Variants in RGS21 observed in about 807,000 individuals in gnomAD.
The protein encoded by RGS21 is regulator of G protein signaling 21.
A neutral mutation model predicts 18.7 loss-of-function variants in RGS21; 19 were observed. That is an observed-to-expected ratio of 1.01 (90% CI 0.71 to 1.49). RGS21 has a LOEUF of 1.49. Ranked by LOEUF, RGS21 falls within the 40% of genes most tolerant of loss-of-function variation. The pLI is 0.00. For missense variants in RGS21, 194 were observed against 176.8 expected, an observed-to-expected ratio of 1.10 and a Z score of -0.55; for synonymous variants, 56 against 57.8, an observed-to-expected ratio of 0.97 and a Z score of 0.14.
chr1:192,364,292 A>G (rs1345124620), intron 4 of RGS21, among the ~76,000 whole-genome samples: 1 of 152,148 alleles, frequency 6.6e-6, no homozygotes, highest in African/African-American at 2.4e-5. Flanking sequence ...TCAAAGGAAG[A>G]AAAGTGGAAG....
intron 3 of RGS21, among the ~76,000 whole-genome samples, chr1:192,351,237 A>G (rs1432818749): frequency 1.3e-5 from 2 of 152,136 alleles, no homozygotes; most frequent in Non-Finnish European, 2.9e-5. Context: ...TATTTGCCTT[A>G]TGGAATTAAA....
chr1:192,347,223 C>A, intron 2 of RGS21, 90 bp from the exon 3 acceptor site: 2 of 784,420 alleles, frequency 2.5e-6, no homozygotes. Flanking sequence ...GCATGAAGTT[C>A]ATTTGAATGA....
At chr1:192,330,598 C>T (rs549033575) in intron 1 of RGS21, among the ~76,000 whole-genome samples, 13 of 152,220 alleles carry the variant, frequency 8.5e-5, no homozygotes, top group Admixed American at 3.9e-4. Flanking sequence ...TTCAGTAAGA[C>T]TCTTCTAAGA....
At chr1:192,320,321 A>G (rs1435910379) in intron 1 of RGS21, among the ~76,000 whole-genome samples, 1 of 152,120 alleles carries the variant, frequency 6.6e-6, no homozygotes, top group African/African-American at 2.4e-5. Flanking sequence ...TCACACAATG[A>G]CATTTGTTTA....
chr1:192,341,765 CT>C (rs11285643), intron 1 of RGS21, among the ~76,000 whole-genome samples: 102,711 of 142,500 alleles, frequency 0.72, 37,583 homozygotes, highest in African/African-American at 0.91. Context: ...TTGCATGGTT[CT>C]TTTTTTTTTT....
In RGS21 at chr1:192,347,315, G is replaced by T; in HGVS notation, c.14G>T (p.Cys5Phe). 6.3e-7 allele frequency: 1 copy of T among 1,590,542 alleles called. No homozygotes were observed. The highest frequency in any genetic ancestry group is 8.6e-7 in the Non-Finnish European group (1 of 1,160,038). The change falls in exon 3 of 5, where the codon TGC becomes TTC. Residue 5 changes from cysteine to phenylalanine, a missense_variant and splice_region_variant. Physicochemically the swap from Cys to Phe is radical, Grantham distance 205. Coordinates refer to ENST00000417209, the MANE Select transcript of RGS21 (RefSeq NM_001039152.3). ...CACAATGCTATTGTCAAGGTTAGAT[G>T]CTGTTTCTACAGGTCACCAACTGCG... MPVKCCFYRSPTAET... is the reference protein window; with the variant it reads MPVKFCFYRSPTAET...
intron 1 of RGS21, among the ~76,000 whole-genome samples, chr1:192,328,298 A>G (rs1349403293): frequency 6.6e-6 from 1 of 152,202 alleles, no homozygotes; most frequent in Non-Finnish European, 1.5e-5. Flanking sequence ...ACCTCAATTT[A>G]CAGGATAGGA....
In RGS21 at chr1:192,362,491, T is replaced by C. The variant is rs147649255; in HGVS notation, c.256-3430T>C. On this transcript the variant is annotated intron_variant, in intron 4 of 4. Transcript: ENST00000417209. Reference sequence around the variant, plus strand: ...CATAAGTGATCAGAGAAAAAACAGGTGTCAGAGACAATTCCTATGTTTCTA... The same window carrying C: ...CATAAGTGATCAGAGAAAAAACAGGCGTCAGAGACAATTCCTATGTTTCTA... 6.1e-3 allele frequency among the ~76,000 whole-genome samples: 929 copies of C among 152,300 alleles called. 36 individuals carry two copies. The highest frequency in any genetic ancestry group is 0.055 in the Admixed American group (843 of 15,286).
rs78944912 is a variant in RGS21 at position 192,328,122 on chromosome 1, A to G, written c.-61+11017A>G. On this transcript the variant is annotated intron_variant, in intron 1 of 4. Coordinates refer to ENST00000417209, the MANE Select transcript of RGS21 (RefSeq NM_001039152.3). Reference sequence around the variant, plus strand: ...CTCAACTTTAAAAAAGAAGGCATACAGGGCCGCGTGCATCTCTGTCATGGA... The same window carrying G: ...CTCAACTTTAAAAAAGAAGGCATACGGGGCCGCGTGCATCTCTGTCATGGA... Among the ~76,000 whole-genome samples the G allele has an allele frequency of 9.3e-4, 142 of 152,296 alleles. 1 individual carries two copies. The highest frequency in any genetic ancestry group is 1.6e-3 in the Non-Finnish European group (111 of 68,024).
intron 4 of RGS21, among the ~76,000 whole-genome samples, chr1:192,359,788 A>C (rs1659163161): frequency 6.7e-6 from 1 of 150,000 alleles, no homozygotes; most frequent in East Asian, 1.9e-4. Context: ...CTCTCTATAT[A>C]TATATATACA....
chr1:192,352,273 G>A, intron 4 of RGS21, 60 bp downstream of exon 4: 3 of 1,227,118 alleles, frequency 2.4e-6, no homozygotes, highest in Non-Finnish European at 3.3e-6. Flanking sequence ...CTCCCAATTA[G>A]AAGACCTTAA....
intron 1 of RGS21, among the ~76,000 whole-genome samples, chr1:192,331,021 G>A (rs1486668015): frequency 6.6e-6 from 1 of 152,142 alleles, no homozygotes; most frequent in Non-Finnish European, 1.5e-5. Flanking sequence ...ATCAGTGCTT[G>A]TGTATGTGGT....
In RGS21 at chr1:192,343,056, C is replaced by T; in HGVS notation, c.11+9C>T. ...CGAAAAATGCCAGTGAAGTGAGTTG[C>T]CGTTTCCAGCTATTTTTATCTCAGA... On this transcript the variant is annotated intron_variant, in intron 2 of 4. Transcript: ENST00000417209. The T allele has an allele frequency of 1.2e-6, 2 of 1,611,972 alleles. No individual in the cohort carries two copies. The highest frequency in any genetic ancestry group is 1.7e-4 in the Middle Eastern group (1 of 6,052).
chr1:192,341,248 A>G (rs1052070726), intron 1 of RGS21, among the ~76,000 whole-genome samples: 1 of 152,056 alleles, frequency 6.6e-6, no homozygotes, highest in African/African-American at 2.4e-5. Context: ...ATCCCCCAGG[A>G]TAATCTAGGA....
intron 1 of RGS21, among the ~76,000 whole-genome samples, chr1:192,333,432 T>C (rs1658690664): frequency 6.6e-6 from 1 of 151,884 alleles, no homozygotes; most frequent in Non-Finnish European, 1.5e-5. Context: ...AAATAAGAAG[T>C]GTCCTTAAGT....
intron 1 of RGS21, among the ~76,000 whole-genome samples, chr1:192,329,489 T>C (rs1473307973): frequency 1.3e-5 from 2 of 152,122 alleles, no homozygotes; most frequent in African/African-American, 4.8e-5. Context: ...TCTCTGCTTA[T>C]TATTAAGAGA....
intron 4 of RGS21, among the ~76,000 whole-genome samples, chr1:192,364,400 T>A (rs1278964582): frequency 1.3e-5 from 2 of 152,206 alleles, no homozygotes; most frequent in Non-Finnish European, 2.9e-5. Context: ...TTACTTTTTT[T>A]ATTCTTTTCT....
chr1:192,343,191 C>A, intron 2 of RGS21, 144 bp downstream of exon 2: 1 of 821,678 alleles, frequency 1.2e-6, no homozygotes, highest in Non-Finnish European at 2.0e-6. Flanking sequence ...CCTTTCTCTA[C>A]TGATTTCTTC....
In RGS21 at chr1:192,330,405, A is replaced by T. The variant is rs187837637; in HGVS notation, c.-60-12572A>T. Among the ~76,000 whole-genome samples, 232 of 152,340 alleles carry T rather than the reference A, an allele frequency of 1.5e-3. 1 individual carries two copies. Among genetic ancestry groups the T allele is most frequent in the African/African-American group, 5.4e-3 (223 of 41,586 alleles). On this transcript the variant is annotated intron_variant, in intron 1 of 4. Transcript: ENST00000417209. ...TTCAAGAAAAGTGTGGTGTGGGGAA[A>T]GAATTTTCCTAAAGTAGAAGCTACT...
Sources: gnomAD v4.1 joint callset for allele counts (sites outside exome capture counted in the v4.1 genomes callset) on GRCh38, gnomAD v4.1.1 for gene constraint, MANE v1.5 for transcripts, NCBI Gene and HGNC (gene_info 2026-07-23, HGNC 2026-07-21) for gene names.